Variants in ST7L observed in about 807,000 individuals in gnomAD.
ST7L encodes suppressor of tumorigenicity 7 protein-like.
Under a neutral mutation model 72.5 loss-of-function variants are expected in ST7L, and 57 were observed. The observed-to-expected ratio is 0.79, with a 90% CI of 0.64 to 0.98. The LOEUF is 0.98. ST7L is among the 50% of genes least tolerant of loss of function. The pLI is 0.00. For synonymous variants in ST7L, 221 were observed against 240.9 expected (o/e 0.92, Z 0.77); for missense variants, 576 against 672.2 (o/e 0.86, Z 1.58).
chr1:112,598,228 C>A, intron 4 of ST7L, 142 bp from the exon 5 acceptor site: 1 of 530,900 alleles, frequency 1.9e-6, no homozygotes. Flanking sequence ...AAAAGATAAC[C>A]TCACAAACTA....
intron 1 of ST7L, 24 bp downstream of exon 1, chr1:112,618,885 C>A: frequency 1.9e-6 from 3 of 1,551,264 alleles, no homozygotes; most frequent in Non-Finnish European, 2.6e-6. Context: ...CCCCGCCCTG[C>A]CCCAGGAGGT....
At chr1:112,555,340 C>T (rs1209066916) in intron 12 of ST7L, among the ~76,000 whole-genome samples, 2 of 151,996 alleles carry the variant, frequency 1.3e-5, no homozygotes, top group East Asian at 1.9e-4. Flanking sequence ...CAGAGGTGGG[C>T]GGATCACGAG....
chr1:112,550,567 TTTTAAG>T, intron 13 of ST7L, 28 bp downstream of exon 13: 2 of 1,512,060 alleles, frequency 1.3e-6, no homozygotes, highest in Non-Finnish European at 9.2e-7. Context: ...AACTTACTAC[TTTTAAG>T]TTTAAGAAAA....
intron 4 of ST7L, among the ~76,000 whole-genome samples, chr1:112,600,318 A>G (rs1409338927): frequency 6.6e-6 from 1 of 152,132 alleles, no homozygotes; most frequent in African/African-American, 2.4e-5. Flanking sequence ...GATTACAGGC[A>G]TGAGCCACTG....
At chr1:112,563,005 G>T (rs1660425876) in intron 11 of ST7L, among the ~76,000 whole-genome samples, 1 of 152,080 alleles carries the variant, frequency 6.6e-6, no homozygotes, top group Non-Finnish European at 1.5e-5. Context: ...GGTTACTTCA[G>T]AGAAGTAGAA....
intron 14 of ST7L, among the ~76,000 whole-genome samples, chr1:112,536,960 T>G (rs1420601226): frequency 6.6e-6 from 1 of 152,134 alleles, no homozygotes; most frequent in East Asian, 1.9e-4. Flanking sequence ...TCTGCCAAAA[T>G]TGCAAAGACT....
chr1:112,612,578 C>T (rs1669245035), intron 2 of ST7L, among the ~76,000 whole-genome samples: 1 of 151,894 alleles, frequency 6.6e-6, no homozygotes, highest in African/African-American at 2.4e-5. Context: ...CATGCCACAA[C>T]GTTTATAGGA....
At chr1:112,556,381 A>G (rs912223212) in intron 11 of ST7L, among the ~76,000 whole-genome samples, 1 of 152,308 alleles carries the variant, frequency 6.6e-6, no homozygotes, top group African/African-American at 2.4e-5. Flanking sequence ...CATTTATTTT[A>G]AATTTTTAAT....
Position 112,524,295 on chromosome 1 carries a change from C to T in ST7L, c.*1718G>A, listed in dbSNP as rs1387481781. ...TTTCTGAGGTTTTTATTTAAATGCA[C>T]TCAGTGGTCATAGGGCAGAAGCTCA... is the stretch of plus-strand genomic sequence containing the variant. On this transcript the variant is annotated 3_prime_UTR_variant, in exon 15 of 15. Coordinates refer to ENST00000358039, the MANE Select transcript of ST7L (RefSeq NM_017744.5). 1 of 152,586 alleles carries T rather than the reference C, an allele frequency of 6.6e-6. No individual in the cohort carries two copies. Among genetic ancestry groups the T allele is most frequent in the South Asian group, 2.1e-4 (1 of 4,822 alleles). 9.5% of individuals were successfully genotyped at this position (152,586 alleles called of 1,614,324 possible).
At chr1:112,575,043 A>G (rs560249452) in intron 11 of ST7L, among the ~76,000 whole-genome samples, 1 of 151,900 alleles carries the variant, frequency 6.6e-6, no homozygotes, top group African/African-American at 2.4e-5. Context: ...TCGAGACCAT[A>G]CTAGCTAACA....
Position 112,524,024 on chromosome 1 carries a change from CAAAA to C in ST7L, c.*1985_*1988del. 1 of 151,364 alleles carries C rather than the reference CAAAA, an allele frequency of 6.6e-6. No individual in the cohort carries two copies. Among genetic ancestry groups the C allele is most frequent in the East Asian group, 2.0e-4 (1 of 5,120 alleles). 9.4% of individuals were successfully genotyped at this position (151,364 alleles called of 1,614,324 possible). On this transcript the variant is annotated 3_prime_UTR_variant, in exon 15 of 15. Transcript: ENST00000358039. ...AAAAAAAAAAACAAAAAACAAAAAACAAAAACAAACATTGCCTGGCCCTGAGGGT... is the reference window on the plus strand; with the variant it reads ...AAAAAAAAAAACAAAAAACAAAAAACACAAACATTGCCTGGCCCTGAGGGT...
intron 14 of ST7L, among the ~76,000 whole-genome samples, chr1:112,538,454 C>T (rs547295970): frequency 6.6e-6 from 1 of 152,138 alleles, no homozygotes; most frequent in Non-Finnish European, 1.5e-5. Flanking sequence ...GCGATCCTCC[C>T]ATTTTAGCCC....
intron 11 of ST7L, among the ~76,000 whole-genome samples, chr1:112,574,482 A>G (rs1416331469): frequency 2.0e-5 from 3 of 151,382 alleles, no homozygotes; most frequent in Admixed American, 2.0e-4. Flanking sequence ...ACACTGTGAA[A>G]CCTCGTCTCT....
intron 13 of ST7L, 110 bp from the exon 14 acceptor site, chr1:112,542,200 A>T: frequency 8.6e-7 from 1 of 1,160,174 alleles, no homozygotes; most frequent in African/African-American, 1.6e-5. Context: ...AAAAAAATTT[A>T]AAAAGGAAAG....
chr1:112,556,985 C>CAAAAAAAAAAAAAAAAAAAAAAAAAAA (rs1196828305), intron 11 of ST7L, among the ~76,000 whole-genome samples: 2 of 82,128 alleles, frequency 2.4e-5, no homozygotes, highest in Non-Finnish European at 4.6e-5. Context: ...AAAAAAAAAA[C>CAAAAAAAAAAAAAAAAAAAAAAAAAAA]AAAAAAAAAA....
intron 4 of ST7L, among the ~76,000 whole-genome samples, chr1:112,599,056 C>G (rs1666931376): frequency 1.4e-4 from 1 of 7,034 alleles, no homozygotes; most frequent in Non-Finnish European, 2.7e-4. Context: ...AGAGACTCAG[C>G]CTCAAAAAAA....
chr1:112,583,583 A>G (rs1421131506), intron 7 of ST7L, among the ~76,000 whole-genome samples: 1 of 152,244 alleles, frequency 6.6e-6, no homozygotes, highest in Non-Finnish European at 1.5e-5. Context: ...CAACCAAATA[A>G]TGTACCTCTA....
chr1:112,552,584 A>G (rs181772931), intron 12 of ST7L, among the ~76,000 whole-genome samples: 2 of 152,102 alleles, frequency 1.3e-5, no homozygotes, highest in Non-Finnish European at 1.5e-5. Flanking sequence ...TTGTATTTTT[A>G]GTAGAGACGG....
intron 6 of ST7L, among the ~76,000 whole-genome samples, chr1:112,588,644 G>C (rs1247776358): frequency 6.6e-6 from 1 of 152,144 alleles, no homozygotes; most frequent in African/African-American, 2.4e-5. Flanking sequence ...CATCAGTTGA[G>C]ATAATCATGT....
Sources: allele counts gnomAD v4.1 joint callset (sites outside exome capture counted in the v4.1 genomes callset), GRCh38; gene constraint gnomAD v4.1.1; transcripts MANE v1.5; gene names NCBI Gene and HGNC (gene_info 2026-07-23, HGNC 2026-07-21).